The following SLC35F4 variants were observed in gnomAD, a reference collection of about 807,000 sequenced individuals.
SLC35F4 encodes the protein chromosome 14 open reading frame 36.
A neutral mutation model predicts 44.2 loss-of-function variants in SLC35F4; 24 were observed. The observed-to-expected ratio is 0.54, with a 90% CI of 0.39 to 0.76. The LOEUF is 0.76. Ranked by LOEUF, SLC35F4 falls within the 30% of genes least tolerant of loss-of-function variation. The probability of loss-of-function intolerance (pLI) is 0.00; values close to 1 mark genes in which losing one functional copy is unlikely to be tolerated. For missense variants in SLC35F4, 562 were observed against 586.1 expected, an observed-to-expected ratio of 0.96 and a Z score of 0.42; for synonymous variants, 238 against 223.6, an observed-to-expected ratio of 1.06 and a Z score of -0.57.
chr14:57,609,783 C>G (rs2071383854), intron 1 of SLC35F4, among the ~76,000 whole-genome samples: 1 of 152,202 alleles, frequency 6.6e-6, no homozygotes, highest in East Asian at 1.9e-4. Flanking sequence ...GGTAAAAATG[C>G]TGCTGGCATT....
chr14:57,721,032 CAT>C (rs3062934), intron 1 of SLC35F4, among the ~76,000 whole-genome samples: 45,521 of 117,404 alleles, frequency 0.39, 8,640 homozygotes, highest in Non-Finnish European at 0.42. Context: ...ATAAACTCCT[CAT>C]ATATATATAT....
intron 1 of SLC35F4, among the ~76,000 whole-genome samples, chr14:57,824,821 C>A (rs1189943236): frequency 6.6e-6 from 1 of 151,826 alleles, no homozygotes; most frequent in Non-Finnish European, 1.5e-5. Context: ...TATTCAGGGC[C>A]TTAGAGGCTA....
At chr14:57,747,578 A>G (rs1270993345) in intron 1 of SLC35F4, among the ~76,000 whole-genome samples, 3 of 152,108 alleles carry the variant, frequency 2.0e-5, no homozygotes, top group Admixed American at 6.6e-5. Context: ...TGCTCCATCT[A>G]TTCTGCTAAC....
chr14:57,854,653 T>C (rs1362641718), intron 1 of SLC35F4, among the ~76,000 whole-genome samples: 1 of 152,234 alleles, frequency 6.6e-6, no homozygotes, highest in East Asian at 1.9e-4. Flanking sequence ...CACCCTATTT[T>C]GGTGCCTGAG....
intron 1 of SLC35F4, among the ~76,000 whole-genome samples, chr14:57,949,744 T>C (rs1469562340): frequency 6.6e-6 from 1 of 152,156 alleles, no homozygotes; most frequent in East Asian, 1.9e-4. Flanking sequence ...TCTTAGCATT[T>C]GTTTGTCTGA....
At chr14:57,593,464 G>A (rs758373200) in intron 2 of SLC35F4, among the ~76,000 whole-genome samples, 1 of 152,232 alleles carries the variant, frequency 6.6e-6, no homozygotes, top group African/African-American at 2.4e-5. Context: ...AGGGAAGCCA[G>A]TGAAGTCTCC....
intron 1 of SLC35F4, among the ~76,000 whole-genome samples, chr14:57,876,684 G>A (rs1216625155): frequency 6.6e-6 from 1 of 152,068 alleles, no homozygotes; most frequent in Non-Finnish European, 1.5e-5. Context: ...GCATGTTTTT[G>A]CTTAATAAGT....
intron 1 of SLC35F4, among the ~76,000 whole-genome samples, chr14:57,820,348 A>G (rs925866872): frequency 6.6e-6 from 1 of 152,198 alleles, no homozygotes; most frequent in Non-Finnish European, 1.5e-5. Context: ...GGCTGAAAAG[A>G]GTTTTTAGGG....
At chr14:57,931,771 G>A (rs1457418346) in intron 1 of SLC35F4, among the ~76,000 whole-genome samples, 5 of 152,140 alleles carry the variant, frequency 3.3e-5, no homozygotes, top group Non-Finnish European at 4.4e-5. Flanking sequence ...CCAAAGCCCT[G>A]CTCTGTCCTT....
rs1290077692 is a variant in SLC35F4 at position 57,593,941 on chromosome 14, G to A, written c.287C>T (p.Ser96Leu). 6.2e-7 allele frequency: 1 copy of A among 1,613,690 alleles called. No homozygotes were observed. The highest frequency in any genetic ancestry group is 2.2e-5 in the East Asian group (1 of 44,872). ...TTAAGAGGAGGTCACCCACATACCTGATCTGTTCTGTCTCTCAACTCTGTG... is the reference window on the plus strand; with the variant it reads ...TTAAGAGGAGGTCACCCACATACCTAATCTGTTCTGTCTCTCAACTCTGTG... ...CGHRVERQNRSADDGTQTHSE... is the reference protein window; with the variant it reads ...CGHRVERQNRLADDGTQTHSE... The change falls in exon 2 of 8, where the codon TCA (serine) becomes TTA (leucine). Residue 96 changes from serine to leucine, a missense_variant and splice_region_variant. Physicochemically the swap from Ser to Leu is moderately radical, Grantham distance 145 (BLOSUM62 -2). Transcript: ENST00000556826.
chr14:57,603,878 A>G (rs778687293), intron 1 of SLC35F4: 1 of 152,236 alleles, frequency 6.6e-6, no homozygotes, highest in Non-Finnish European at 1.5e-5. Flanking sequence ...TCCTCACCTT[A>G]TCTATTTCCC....
intron 1 of SLC35F4, among the ~76,000 whole-genome samples, chr14:57,685,335 C>T (rs2075036138): frequency 6.6e-6 from 1 of 152,028 alleles, no homozygotes; most frequent in African/African-American, 2.4e-5. Flanking sequence ...TTGACTTCAC[C>T]ATCAGATGGT....
chr14:57,870,986 AG>A (rs1460178513), upstream of SLC35F4, among the ~76,000 whole-genome samples: 1 of 152,228 alleles, frequency 6.6e-6, no homozygotes. Flanking sequence ...AGGAAGCATG[AG>A]CACAGGAAGA....
At chr14:57,692,363 T>C (rs2075259929) in intron 1 of SLC35F4, among the ~76,000 whole-genome samples, 1 of 152,094 alleles carries the variant, frequency 6.6e-6, no homozygotes, top group South Asian at 2.1e-4. Flanking sequence ...TTTAAAATGG[T>C]CATATATTTA....
In SLC35F4 at chr14:57,944,427, C is replaced by T. The variant is rs1178457239; in HGVS notation, n.282+37486G>A. ...TATGCTTTTACAGAGTTCTTGTTTC[C>T]TAACAAAAAAGAGCATTTACCGCTT... On this transcript the variant is annotated intron_variant and non_coding_transcript_variant, in intron 1 of 1. Transcript: ENST00000556568. 2.0e-5 allele frequency among the ~76,000 whole-genome samples: 3 copies of T among 152,016 alleles called. No homozygotes were observed. The East Asian group carries it at 5.8e-4, about 29-fold the overall frequency.
intron 1 of SLC35F4, among the ~76,000 whole-genome samples, chr14:57,651,502 C>A (rs1184335632): frequency 1.3e-5 from 2 of 152,048 alleles, no homozygotes; most frequent in Non-Finnish European, 2.9e-5. Context: ...GGTACAGCAG[C>A]CGTCACAGAT....
At chr14:57,784,261 T>G (rs1189728370) in intron 1 of SLC35F4, among the ~76,000 whole-genome samples, 1 of 152,186 alleles carries the variant, frequency 6.6e-6, no homozygotes, top group Non-Finnish European at 1.5e-5. Context: ...AAAAATGATT[T>G]TAGACAATCT....
At chr14:57,617,985 T>C (rs1220894805) in intron 1 of SLC35F4, among the ~76,000 whole-genome samples, 1 of 152,102 alleles carries the variant, frequency 6.6e-6, no homozygotes, top group Non-Finnish European at 1.5e-5. Flanking sequence ...GTAGAGTCAG[T>C]TTGTTCTTGG....
At chr14:57,622,732 G>A (rs1314839785) in intron 1 of SLC35F4, among the ~76,000 whole-genome samples, 3 of 152,040 alleles carry the variant, frequency 2.0e-5, no homozygotes, top group African/African-American at 7.2e-5. Flanking sequence ...TGACGAGTTA[G>A]TGGGTGCAGC....
Sources: gnomAD v4.1 joint callset for allele counts (sites outside exome capture counted in the v4.1 genomes callset) on GRCh38, gnomAD v4.1.1 for gene constraint, MANE v1.5 for transcripts, NCBI Gene and HGNC (gene_info 2026-07-23, HGNC 2026-07-21) for gene names.